LPP: variants seen among roughly 807,000 people sequenced by gnomAD.
LPP encodes the protein LIM domain containing preferred translocation partner in lipoma.
A neutral mutation model predicts 60.4 loss-of-function variants in LPP; 38 were observed. The observed-to-expected ratio is 0.63, with a 90% CI of 0.49 to 0.83. The LOEUF is 0.83. Among genes scored for constraint, LPP ranks in the 40% least tolerant of loss-of-function variants. The pLI, the probability that LPP is intolerant of heterozygous loss-of-function variation, is 0.00. For synonymous variants in LPP, 328 were observed against 290.8 expected, an observed-to-expected ratio of 1.13 and a Z score of -1.30; for missense variants, 902 against 783.6, an observed-to-expected ratio of 1.15 and a Z score of -1.80.
intron 2 of LPP, among the ~76,000 whole-genome samples, chr3:188,227,831 A>G (rs1305501956): frequency 2.0e-5 from 3 of 152,298 alleles, no homozygotes; most frequent in South Asian, 2.1e-4. Flanking sequence ...GGCTGACTGT[A>G]TATTTCTGAA....
At chr3:188,330,181 T>C (rs1759610970) in intron 2 of LPP, among the ~76,000 whole-genome samples, 1 of 152,216 alleles carries the variant, frequency 6.6e-6, no homozygotes. Flanking sequence ...TGAGACTGTA[T>C]TGAAGAATGC....
chr3:188,311,336 G>T (rs1181053448), intron 2 of LPP, among the ~76,000 whole-genome samples: 1 of 151,894 alleles, frequency 6.6e-6, no homozygotes, highest in Non-Finnish European at 1.5e-5. Flanking sequence ...ACAATTAGTT[G>T]GTCATGATGG....
chr3:188,216,610 C>T (rs1055199674), intron 1 of LPP, among the ~76,000 whole-genome samples: 6 of 152,128 alleles, frequency 3.9e-5, no homozygotes, highest in African/African-American at 1.2e-4. Context: ...TGGGCAATGC[C>T]CTGCCCCTTT....
intron 6 of LPP, among the ~76,000 whole-genome samples, chr3:188,544,997 C>T (rs1190992869): frequency 1.8e-5 from 1 of 54,570 alleles, no homozygotes; most frequent in African/African-American, 7.8e-5. Context: ...AGTAAACTAT[C>T]GCAAGAACAA....
At chr3:188,464,477 A>G (rs1353109916) in intron 4 of LPP, among the ~76,000 whole-genome samples, 1 of 152,208 alleles carries the variant, frequency 6.6e-6, no homozygotes, top group African/African-American at 2.4e-5. Context: ...TCTGTGGTGC[A>G]GTGTCCATCT....
In LPP at chr3:188,495,082, A is replaced by ATATATTTT. The variant is rs1342207321; in HGVS notation, c.306+10379_306+10380insATATTTTT. ...CAGGATTTTATATATATATATATAT[A>ATATATTTT]TTTTATTTATATTTTATTATATATT... is the stretch of plus-strand genomic sequence containing the variant. On this transcript the variant is annotated intron_variant, in intron 5 of 11. Coordinates refer to ENST00000617246, the MANE Select transcript of LPP (RefSeq NM_001375462.1). Among the ~76,000 whole-genome samples the ATATATTTT allele has an allele frequency of 9.6e-4, 93 of 97,246 alleles. 6 individuals are homozygous for ATATATTTT. Among genetic ancestry groups the ATATATTTT allele is most frequent in the African/African-American group, 3.5e-3 (89 of 25,082 alleles). The allele number at this position is 97,246 out of a possible 152,430, so 63.8% of individuals were successfully genotyped here.
At position 188,708,303 on chromosome 3, in the gene LPP, G is replaced by A. The variant is rs1865884509; in HGVS notation, c.1150G>A (p.Ala384Thr). ...HSGQLGPSSV[A>T]PSFRPEDELE... ...AGGGCAACTGGGGCCTTCGTCAGTT[G>A]CCCCTTCATTCCGCCCAGAGGATGA... is the stretch of plus-strand genomic sequence containing the variant. Residue 384 changes from alanine to threonine, a missense_variant, in exon 8 of 12, where the codon GCC becomes ACC. Transcript: ENST00000617246. 2 of 1,614,122 alleles carry A rather than the reference G, an allele frequency of 1.2e-6. No homozygotes were observed. Among genetic ancestry groups the A allele is most frequent in the South Asian group, 1.1e-5 (1 of 91,080 alleles).
At chr3:188,621,455 AT>A (rs1845786937) in intron 7 of LPP, among the ~76,000 whole-genome samples, 1 of 152,196 alleles carries the variant, frequency 6.6e-6, no homozygotes, top group Admixed American at 6.5e-5. Context: ...TTTGCTTAGG[AT>A]TATGGCCTCT....
At chr3:188,639,393 G>C (rs1384100917) in intron 7 of LPP, among the ~76,000 whole-genome samples, 1 of 151,076 alleles carries the variant, frequency 6.6e-6, no homozygotes, top group African/African-American at 2.4e-5. Context: ...TTAAATGTTA[G>C]ACCTAAAACC....
chr3:188,722,047 G>C (rs150326914), intron 8 of LPP, among the ~76,000 whole-genome samples: 33 of 152,266 alleles, frequency 2.2e-4, no homozygotes, highest in African/African-American at 7.7e-4. Flanking sequence ...GCTTGCCTCA[G>C]AGTTCTGGAG....
At chr3:188,530,085 A>G (rs1437718182) in intron 6 of LPP, among the ~76,000 whole-genome samples, 1 of 152,230 alleles carries the variant, frequency 6.6e-6, no homozygotes, top group Non-Finnish European at 1.5e-5. Flanking sequence ...GAACGTGGAA[A>G]GTGAATATTA....
chr3:188,437,229 G>A (rs1792541967), intron 4 of LPP, among the ~76,000 whole-genome samples: 1 of 152,154 alleles, frequency 6.6e-6, no homozygotes, highest in South Asian at 2.1e-4. Context: ...GTAGGATTCA[G>A]GCCTAAATGG....
chr3:188,509,502 T>G (rs959290654), intron 5 of LPP, among the ~76,000 whole-genome samples: 9 of 152,140 alleles, frequency 5.9e-5, no homozygotes, highest in Admixed American at 2.6e-4. Flanking sequence ...CAGTTGACAG[T>G]AGAGACTGTA....
intron 9 of LPP, among the ~76,000 whole-genome samples, chr3:188,786,899 T>C (rs569157855): frequency 6.6e-6 from 1 of 152,238 alleles, no homozygotes; most frequent in East Asian, 1.9e-4. Flanking sequence ...GAGAACAGAT[T>C]AGTGTTTGTC....
Position 188,454,884 on chromosome 3 carries a change from G to C in LPP, c.194-29708G>C, listed in dbSNP as rs142001148. Among the ~76,000 whole-genome samples the C allele has an allele frequency of 4.0e-3, 611 of 152,258 alleles. 5 individuals are homozygous for C. The highest frequency in any genetic ancestry group is 0.014 in the African/African-American group (563 of 41,532). ...TGGAGTATAATTCAAGATGTGATTT[G>C]GGTGGGGACACAAAGCCATGACTAG... On this transcript the variant is annotated intron_variant, in intron 4 of 11. Transcript: ENST00000617246.
rs113963055 is a variant in LPP, at chr3:188,812,024, C to G, written c.1410+51742C>G. 8.2e-4 allele frequency among the ~76,000 whole-genome samples: 124 copies of G among 152,130 alleles called. 1 individual carries two copies. Among genetic ancestry groups the G allele is most frequent in the African/African-American group, 2.9e-3 (121 of 41,504 alleles). On this transcript the variant is annotated intron_variant, in intron 9 of 11. Coordinates refer to ENST00000617246, the MANE Select transcript of LPP (RefSeq NM_001375462.1). ...TCTTCATCATTCTTTTATTCCCCAC[C>G]AAAGTTTTTGTAAGGTAGTAAGAGG...
intron 9 of LPP, among the ~76,000 whole-genome samples, chr3:188,800,886 T>C (rs1383135599): frequency 6.6e-6 from 1 of 152,206 alleles, no homozygotes; most frequent in Non-Finnish European, 1.5e-5. Context: ...TTCTTTTTGG[T>C]TTGGTTATTC....
intron 1 of LPP, among the ~76,000 whole-genome samples, chr3:188,194,605 T>A (rs1204277479): frequency 6.6e-6 from 1 of 152,212 alleles, no homozygotes; most frequent in Non-Finnish European, 1.5e-5. Flanking sequence ...CTTCTGTAGT[T>A]CTTGAGGGAA....
chr3:188,731,521 G>GTTTTGTTTTGTTTTGTTTTGTTTTC, intron 8 of LPP, among the ~76,000 whole-genome samples: 1 of 151,080 alleles, frequency 6.6e-6, no homozygotes, highest in African/African-American at 2.4e-5. Context: ...TGTTTTTTTT[G>GTTTTGTTTTGTTTTGTTTTGTTTTC]TTTTGTTTTG....
Sources: allele counts gnomAD v4.1 joint callset (sites outside exome capture counted in the v4.1 genomes callset), GRCh38; gene constraint gnomAD v4.1.1; transcripts MANE v1.5; gene names NCBI Gene and HGNC (gene_info 2026-07-23, HGNC 2026-07-21).